Variants in GRID2IP observed in about 807,000 individuals in gnomAD.
The protein encoded by GRID2IP is delphilin.
A neutral mutation model predicts 114.3 loss-of-function variants in GRID2IP; 78 were observed. The ratio of observed to expected loss-of-function variants is 0.68; its 90% CI spans 0.57 to 0.82. The LOEUF (loss-of-function observed/expected upper bound fraction) is 0.82, where lower values mean the gene tolerates loss of function less well. GRID2IP is among the 40% of genes least tolerant of loss of function. The pLI is 0.00. For synonymous variants in GRID2IP, 809 were observed against 724.0 expected (o/e 1.12, Z -1.89); for missense variants, 1,727 against 1,678.5 (o/e 1.03, Z -0.51).
In GRID2IP at chr7:6,523,845, C is replaced by G. The variant is rs1779457174; in HGVS notation, c.920-1888G>C. Among the ~76,000 whole-genome samples, 1 of 152,090 alleles carries G rather than the reference C, an allele frequency of 6.6e-6. No homozygotes were observed. Among genetic ancestry groups the G allele is most frequent in the African/African-American group, 2.4e-5 (1 of 41,418 alleles). On this transcript the variant is annotated intron_variant, in intron 4 of 21. Transcript: ENST00000457091. The surrounding 1 kb of genome is among the most constrained non-coding windows in gnomAD (Gnocchi z 4.5). The stretch of plus-strand genomic sequence containing the variant: ...AGCCACACCTGGATTCTAACAAGGC[C>G]CTAGGCCAGGTATCTCTGGCTACAC...
intron 2 of GRID2IP, among the ~76,000 whole-genome samples, chr7:6,527,592 T>C (rs939240762): frequency 2.0e-5 from 3 of 152,162 alleles, no homozygotes. Flanking sequence ...TTTCTCTGTC[T>C]CTCTCGTTCT....
chr7:6,508,548 A>G lies in GRID2IP; in HGVS notation c.2128-147T>C. The G allele has an allele frequency of 7.4e-7, 1 of 1,358,284 alleles. No homozygotes were observed. Among genetic ancestry groups the G allele is most frequent in the Non-Finnish European group, 9.9e-7 (1 of 1,007,898 alleles). 84.1% of individuals were successfully genotyped at this position (1,358,284 alleles called of 1,614,324 possible). On this transcript the variant is annotated intron_variant, in intron 12 of 21. Coordinates refer to ENST00000457091, the MANE Select transcript of GRID2IP (RefSeq NM_001145118.2). The surrounding 1 kb of genome is among the most constrained non-coding windows in gnomAD (Gnocchi z 5.6). ...TCAGGCTGTGAGGGACACCTGGGCT[A>G]AGGATAGGACTGTCTCACAGGTTAA...
intron 8 of GRID2IP, among the ~76,000 whole-genome samples, chr7:6,513,759 A>C (rs1583340100): frequency 6.6e-6 from 1 of 152,190 alleles, no homozygotes; most frequent in Non-Finnish European, 1.5e-5. Flanking sequence ...GGACACTTCT[A>C]TGTGGGAGGG....
At chr7:6,537,063 G>A (rs906521735) in intron 2 of GRID2IP, among the ~76,000 whole-genome samples, 1 of 152,090 alleles carries the variant, frequency 6.6e-6, no homozygotes, top group Non-Finnish European at 1.5e-5. Context: ...AGCAGTCGCA[G>A]GCCCAGGAGG....
chr7:6,524,726 G>GT (rs995403404), intron 4 of GRID2IP, among the ~76,000 whole-genome samples: 25 of 150,680 alleles, frequency 1.7e-4, no homozygotes, highest in Non-Finnish European at 1.0e-4. Flanking sequence ...TCTCTCGTTT[G>GT]TTTTTTTTGA....
intron 4 of GRID2IP, among the ~76,000 whole-genome samples, chr7:6,522,465 G>C (rs1779430072): frequency 6.6e-6 from 1 of 152,022 alleles, no homozygotes; most frequent in South Asian, 2.1e-4. Context: ...CAGGGTCTGG[G>C]ATTCCTCTTT....
At chr7:6,550,965 A>G (rs1022936133) in intron 1 of GRID2IP, 43 bp downstream of exon 1, 2 of 1,172,038 alleles carry the variant, frequency 1.7e-6, no homozygotes, top group Non-Finnish European at 2.1e-6. Context: ...CCACATTATG[A>G]GCCCCCTCCT....
rs745452279 is a variant in GRID2IP, at chr7:6,520,727, C to T, written c.1119G>A (p.Ser373=). The change falls in exon 7 of 22, where the codon TCG becomes TCA. Residue 373 remains serine, a synonymous_variant. Coordinates refer to ENST00000457091, the MANE Select transcript of GRID2IP (RefSeq NM_001145118.2). This position sits in a 1 kb window ranked among gnomAD's most constrained non-coding sequence, Gnocchi z 4.6. ...SDSLDSPNPS[S]ALTSLQWVAE... is the part of the protein sequence containing the mutation. ...CCACCCACTGCAGGGAGGTGAGCGC[C>T]GACGACGGGTTGGGTGAGTCCAGAG... The T allele has an allele frequency of 2.1e-5, 32 of 1,551,436 alleles. No homozygotes were observed. Among genetic ancestry groups the T allele is most frequent in the African/African-American group, 1.6e-4 (12 of 73,050 alleles).
At chr7:6,517,504 A>C (rs10447683) in intron 7 of GRID2IP, among the ~76,000 whole-genome samples, 52,539 of 152,104 alleles carry the variant, frequency 0.35, 11,556 homozygotes, top group Non-Finnish European at 0.5. Flanking sequence ...TATTCAAGGA[A>C]GCCCAACTTA....
At position 6,551,164 on chromosome 7, in the gene GRID2IP, T is replaced by C; in HGVS notation, c.273A>G (p.Pro91=). 7.4e-7 allele frequency: 1 copy of C among 1,350,412 alleles called. No homozygotes were observed. The highest frequency in any genetic ancestry group is 9.4e-7 in the Non-Finnish European group (1 of 1,058,704). 83.7% of individuals were successfully genotyped at this position (1,350,412 alleles called of 1,614,324 possible). ...TGGTCGGGGCCGCGGGGCCGGATCC[T>C]GGGCCGGGGCCACCGTCGGGAGCCG... ...VLPAPDGGPG[P]GSGPAAPTTV... Residue 91 remains proline, a synonymous_variant, in exon 1 of 22, where the codon CCA becomes CCG. Coordinates refer to ENST00000457091, the MANE Select transcript of GRID2IP (RefSeq NM_001145118.2).
At chr7:6,541,423 T>G (rs1423919788) in intron 1 of GRID2IP, among the ~76,000 whole-genome samples, 2 of 152,194 alleles carry the variant, frequency 1.3e-5, no homozygotes, top group Non-Finnish European at 2.9e-5. Flanking sequence ...CACAGAACAT[T>G]CTGACTCCAC....
chr7:6,528,220 T>G lies in GRID2IP; in HGVS notation c.585-1451A>C, dbSNP rs919725499. ...CCTTGGAAGCTTTCCGGGGGTTATG[T>G]CTATAGTTCAATCCTGAGCCACAGT... is the stretch of plus-strand genomic sequence containing the variant. On this transcript the variant is annotated intron_variant, in intron 2 of 21. Transcript: ENST00000457091. This position sits in a 1 kb window ranked among gnomAD's most constrained non-coding sequence, Gnocchi z 6.0. 2.0e-5 allele frequency among the ~76,000 whole-genome samples: 3 copies of G among 152,106 alleles called. No individual in the cohort carries two copies. Among genetic ancestry groups the G allele is most frequent in the Admixed American group, 6.6e-5 (1 of 15,250 alleles).
Position 6,551,173 on chromosome 7 carries a change from G to A in GRID2IP, c.264C>T (p.Gly88=). ...SLGVLPAPDG[G]PGPGSGPAAP... The stretch of plus-strand genomic sequence containing the variant: ...CCGCGGGGCCGGATCCTGGGCCGGG[G>A]CCACCGTCGGGAGCCGGGAGCACGC... Residue 88 remains glycine (G), a synonymous_variant, in exon 1 of 22, where the codon GGC becomes GGT. Transcript: ENST00000457091. The A allele has an allele frequency of 7.3e-7, 1 of 1,364,094 alleles. No individual in the cohort carries two copies. Among genetic ancestry groups the A allele is most frequent in the Non-Finnish European group, 9.4e-7 (1 of 1,066,962 alleles). The allele number at this position is 1,364,094 out of a possible 1,614,324, so 84.5% of individuals were successfully genotyped here.
intron 7 of GRID2IP, among the ~76,000 whole-genome samples, chr7:6,515,323 G>C (rs1234397685): frequency 6.6e-6 from 1 of 152,194 alleles, no homozygotes; most frequent in East Asian, 1.9e-4. Context: ...TTAGCTGGGC[G>C]TGGTGGCATG....
At chr7:6,502,249 G>C (rs556306328) in intron 18 of GRID2IP, 131 bp from the exon 19 acceptor site, 20 of 824,482 alleles carry the variant, frequency 2.4e-5, no homozygotes, top group Non-Finnish European at 3.7e-5. Context: ...TTTAATAGCA[G>C]GGTCTTGCTC....
Position 6,509,247 on chromosome 7 carries a change from G to C in GRID2IP, c.1838C>G (p.Pro613Arg), listed in dbSNP as rs1000698054. Residue 613 changes from proline to arginine, a missense_variant, in exon 12 of 22, where the codon CCG (proline) becomes CGG (arginine). Physicochemically the swap from Pro to Arg is moderately radical, Grantham distance 103. Coordinates refer to ENST00000457091, the MANE Select transcript of GRID2IP (RefSeq NM_001145118.2). This position sits in a 1 kb window ranked among gnomAD's most constrained non-coding sequence, Gnocchi z 4.9. ...ERLLPSPCYH[P>R]LCSGGLASPS... The stretch of plus-strand genomic sequence containing the variant: ...GGAGGCCAGACCCCCCGAACACAGC[G>C]GGTGGTAGCAGGGGGAGGGCAAGAG... The C allele has an allele frequency of 6.6e-7, 1 of 1,525,776 alleles. No individual in the cohort carries two copies. The highest frequency in any genetic ancestry group is 1.4e-5 in the African/African-American group (1 of 72,562). 94.5% of individuals were successfully genotyped at this position (1,525,776 alleles called of 1,614,324 possible). A position where few individuals can be genotyped will look rare whatever the true frequency, so the allele number is the denominator to read the frequency against.
chr7:6,547,949 A>G (rs1354080537), intron 1 of GRID2IP, among the ~76,000 whole-genome samples: 1 of 152,212 alleles, frequency 6.6e-6, no homozygotes, highest in Non-Finnish European at 1.5e-5. Flanking sequence ...CCCCATGGCC[A>G]AGTGCTGCTG....
rs770259004 is a variant in GRID2IP at position 6,551,011 on chromosome 7, G to A, written c.426C>T (p.Arg142=). 1 of 1,080,954 alleles carries A rather than the reference G, an allele frequency of 9.3e-7. No homozygotes were observed. The highest frequency in any genetic ancestry group is 3.9e-5 in the South Asian group (1 of 25,434). 67.0% of individuals were successfully genotyped at this position (1,080,954 alleles called of 1,614,324 possible). A position where few individuals can be genotyped will look rare whatever the true frequency, so the allele number is the denominator to read the frequency against. The change falls in exon 1 of 22, where the codon CGC becomes CGT. Residue 142 remains arginine, a synonymous_variant. Transcript: ENST00000457091. ...ERRRKAQEFS[R]KVDEILGDQP... ...ACCTCCCACCCCCGCGCCTTACCTTGCGGCTGAACTCTTGGGCCTTGCGCC... is the reference window on the plus strand; with the variant it reads ...ACCTCCCACCCCCGCGCCTTACCTTACGGCTGAACTCTTGGGCCTTGCGCC...
In GRID2IP at chr7:6,506,902, T is replaced by C. The variant is rs981044643; in HGVS notation, c.2545-995A>G. On this transcript the variant is annotated intron_variant, in intron 13 of 21. Coordinates refer to ENST00000457091, the MANE Select transcript of GRID2IP (RefSeq NM_001145118.2). This position sits in a 1 kb window ranked among gnomAD's most constrained non-coding sequence, Gnocchi z 5.2. ...CTCACTATGTTGCCCAGACTTGTCTTGAACTCTTAGGCTCAAGCAGTCCTC... is the reference window on the plus strand; with the variant it reads ...CTCACTATGTTGCCCAGACTTGTCTCGAACTCTTAGGCTCAAGCAGTCCTC... 6.6e-5 allele frequency among the ~76,000 whole-genome samples: 10 copies of C among 152,012 alleles called. No homozygotes were observed. The highest frequency in any genetic ancestry group is 1.3e-4 in the Non-Finnish European group (9 of 68,000).
Sources: allele counts gnomAD v4.1 joint callset (sites outside exome capture counted in the v4.1 genomes callset), GRCh38; gene constraint gnomAD v4.1.1; non-coding constraint Gnocchi (gnomAD v3.1); transcripts MANE v1.5; gene names NCBI Gene and HGNC (gene_info 2026-07-23, HGNC 2026-07-21).